TFAP2A: variants seen among roughly 807,000 people sequenced by gnomAD.
The protein encoded by TFAP2A is transcription factor AP-2-alpha.
Under a neutral mutation model 41.5 loss-of-function variants are expected in TFAP2A, and 7 were observed. That is an observed-to-expected ratio of 0.17 (90% CI 0.10 to 0.32). The LOEUF is 0.32. Among genes scored for constraint, TFAP2A ranks in the 10% least tolerant of loss-of-function variants. TFAP2A has a pLI of 1.00. For missense variants in TFAP2A, 416 were observed against 563.3 expected (o/e 0.74, Z 2.65); for synonymous variants, 247 against 242.8 (o/e 1.02, Z -0.16).
intron 6 of TFAP2A, among the ~76,000 whole-genome samples, chr6:10,399,373 C>T (rs1428677078): frequency 6.6e-6 from 1 of 152,230 alleles, no homozygotes; most frequent in East Asian, 1.9e-4. Context: ...ATTTCCCATT[C>T]CTCCTCTTTC....
intron 4 of TFAP2A, 46 bp downstream of exon 4, chr6:10,404,462 T>C (rs1452268025): frequency 1.4e-6 from 2 of 1,411,182 alleles, no homozygotes; most frequent in Non-Finnish European, 1.9e-6. Context: ...GCGCAGTGGT[T>C]CCCCCGGCCG....
At chr6:10,412,265 A>G in intron 1 of TFAP2A, 3 of 986,288 alleles carry the variant, frequency 3.0e-6, no homozygotes, top group Non-Finnish European at 3.6e-6. Flanking sequence ...AATCACAGGG[A>G]AGGGGCAACA....
upstream of TFAP2A, chr6:10,415,155 G>A (rs1758194696): frequency 1.3e-6 from 2 of 1,528,438 alleles, no homozygotes; most frequent in South Asian, 1.2e-5. Flanking sequence ...GGGCAAGGAG[G>A]AGGAGGAGGA....
Position 10,404,488 on chromosome 6 carries a change from G to GGGGCCGTGCC in TFAP2A, c.770+10_770+19dup, listed in dbSNP as rs774320828. The GGGGCCGTGCC allele has an allele frequency of 6.5e-7, 1 of 1,533,146 alleles. No homozygotes were observed. The highest frequency in any genetic ancestry group is 8.8e-7 in the Non-Finnish European group (1 of 1,139,484). 95.0% of individuals were successfully genotyped at this position (1,533,146 alleles called of 1,614,324 possible). A position where few individuals can be genotyped will look rare whatever the true frequency, so the allele number is the denominator to read the frequency against. The stretch of plus-strand genomic sequence containing the variant: ...CCCCCGGCCGCGGGGCGGGGCGGGC[G>GGGGCCGTGCC]GGGCCGTGCCGGGCCTCACCTCCGG... On this transcript the variant is annotated intron_variant, in intron 4 of 6. Coordinates refer to ENST00000379613, the MANE Select transcript of TFAP2A (RefSeq NM_001372066.1).
chr6:10,409,514 G>T (rs1757856572), intron 2 of TFAP2A: 1 of 240,798 alleles, frequency 4.2e-6, no homozygotes. Context: ...TCTTTTGGTT[G>T]CATTTAACAT....
intron 1 of TFAP2A, chr6:10,412,380 G>T: frequency 1.3e-6 from 1 of 781,654 alleles, no homozygotes; most frequent in Non-Finnish European, 1.6e-6. Context: ...GCGTGTGTGA[G>T]AAAGAAAGTG....
At position 10,414,944 on chromosome 6, in the gene TFAP2A, G is replaced by T; in HGVS notation, c.48C>A (p.Cys16Ter). Residue 16 changes from cysteine (C) to a stop codon, truncating the protein, a stop_gained, in exon 1 of 7, where the codon TGC becomes TGA. Coordinates refer to ENST00000379613, the MANE Select transcript of TFAP2A (RefSeq NM_001372066.1). LOFTEE classifies it high-confidence loss of function. ...KLTDNIKYED[C>*]EDRHDGTSNG... ...ATCGAGCCGGCGTCGCGCTTACCTC[G>T]CAGTCCTCGTACTTGATATTATCCG... is the stretch of plus-strand genomic sequence containing the variant. 1 of 1,614,002 alleles carries T rather than the reference G, an allele frequency of 6.2e-7. No individual in the cohort carries two copies. Among genetic ancestry groups the T allele is most frequent in the Non-Finnish European group, 8.5e-7 (1 of 1,180,000 alleles).
Position 10,397,660 on chromosome 6 carries a change from T to TAA in TFAP2A, c.*755_*756dup, listed in dbSNP as rs61569279. On this transcript the variant is annotated 3_prime_UTR_variant, in exon 7 of 7. Transcript: ENST00000379613. ...CAAGAGGTAAACAAGATCAGATAAATAAAAAAAAAAAGGCTTAAAACAGAC... is the reference window on the plus strand; with the variant it reads ...CAAGAGGTAAACAAGATCAGATAAATAAAAAAAAAAAAAGGCTTAAAACAGAC... 2.8e-3 allele frequency: 461 copies of TAA among 162,796 alleles called. 1 individual carries two copies. The highest frequency in any genetic ancestry group is 8.9e-3 in the African/African-American group (351 of 39,632). The allele number at this position is 162,796 out of a possible 1,614,324, so 10.1% of individuals were successfully genotyped here. A position where few individuals can be genotyped will look rare whatever the true frequency, so the allele number is the denominator to read the frequency against.
intron 1 of TFAP2A, among the ~76,000 whole-genome samples, chr6:10,410,575 G>C (rs980667935): frequency 6.6e-6 from 1 of 152,158 alleles, no homozygotes; most frequent in Non-Finnish European, 1.5e-5. Flanking sequence ...TTCTTTCAAA[G>C]AGAGGAAAAG....
In TFAP2A at chr6:10,411,753, G is replaced by C. The variant is rs569624673; in HGVS notation, c.52-1418C>G. 8.7e-5 allele frequency: 130 copies of C among 1,491,724 alleles called. No individual in the cohort carries two copies. In the African/African-American group the frequency reaches 1.7e-3, roughly 19 times the overall value. 92.4% of individuals were successfully genotyped at this position (1,491,724 alleles called of 1,614,324 possible). ...ACGGCGCCGACGCTCCCCGGAGCGC[G>C]GGAGCCCGGCTCGGATCCATCCGAA... is the stretch of plus-strand genomic sequence containing the variant. On this transcript the variant is annotated intron_variant, in intron 1 of 6. Transcript: ENST00000379613.
intron 2 of TFAP2A, 188 bp from the exon 3 acceptor site, chr6:10,407,032 T>C (rs1757745384): frequency 1.6e-6 from 1 of 624,270 alleles, no homozygotes; most frequent in South Asian, 1.9e-5. Flanking sequence ...GAGGTTTCAC[T>C]GCACACCCAT....
At chr6:10,417,902 G>A (rs1046742217), upstream of TFAP2A, among the ~76,000 whole-genome samples, 2 of 152,178 alleles carry the variant, frequency 1.3e-5, no homozygotes, top group African/African-American at 4.8e-5. Context: ...CCCACAGAAG[G>A]CCCAGTCCCA....
chr6:10,412,959 A>G (rs1045436171), intron 1 of TFAP2A: 2 of 152,500 alleles, frequency 1.3e-5, no homozygotes. Flanking sequence ...GGGCGCGCAC[A>G]GACGCTAGGC....
At chr6:10,419,485 G>T (rs1348101291), upstream of TFAP2A, 1 of 1,614,056 alleles carries the variant, frequency 6.2e-7, no homozygotes, top group Non-Finnish European at 8.5e-7. Context: ...GGTCCCCGCC[G>T]GGCATGGGCT....
In TFAP2A at chr6:10,410,095, A is replaced by C; in HGVS notation, c.292T>G (p.Trp98Gly). The C allele has an allele frequency of 6.2e-7, 1 of 1,612,426 alleles. No individual in the cohort carries two copies. The highest frequency in any genetic ancestry group is 8.5e-7 in the Non-Finnish European group (1 of 1,179,676). ...TCCTGGCTCTGCCTCTGGCCGGGCC[A>C]GCCTGGGTGCTGCGGCTGCGGCTGG... ...HAQPQPQHPG[W>G]PGQRQSQESG... is the part of the protein sequence containing the mutation. Residue 98 changes from tryptophan (W) to glycine (G), a missense_variant, in exon 2 of 7, where the codon TGG (tryptophan) becomes GGG (glycine). Coordinates refer to ENST00000379613, the MANE Select transcript of TFAP2A (RefSeq NM_001372066.1).
intron 1 of TFAP2A, chr6:10,412,224 C>T (rs771648656): frequency 5.6e-4 from 556 of 986,624 alleles, no homozygotes; most frequent in Non-Finnish European, 6.3e-4. Flanking sequence ...AGCGGGCGAG[C>T]GCGCGGGGGG....
chr6:10,399,616 C>T (rs1195100854), intron 6 of TFAP2A, among the ~76,000 whole-genome samples: 1 of 152,222 alleles, frequency 6.6e-6, no homozygotes, highest in Non-Finnish European at 1.5e-5. Flanking sequence ...TGGCTCCCTT[C>T]TCCAAGGCCA....
At chr6:10,407,254 C>A in intron 2 of TFAP2A, 1 of 252,206 alleles carries the variant, frequency 4.0e-6, no homozygotes, top group Non-Finnish European at 7.7e-6. Context: ...CAGGGAAACA[C>A]AATAGAAATG....
chr6:10,398,789 C>A lies in TFAP2A; in HGVS notation c.1032-84G>T. 6.6e-7 allele frequency: 1 copy of A among 1,511,442 alleles called. No homozygotes were observed. The highest frequency in any genetic ancestry group is 1.2e-5 in the South Asian group (1 of 82,954). 93.6% of individuals were successfully genotyped at this position (1,511,442 alleles called of 1,614,324 possible). ...AGCAAAGAGAAAACCTCCCTCCCTG[C>A]AGCTACCTCTGCCGGGATCCAGCCG... is the stretch of plus-strand genomic sequence containing the variant. On this transcript the variant is annotated intron_variant, in intron 6 of 6. Coordinates refer to ENST00000379613, the MANE Select transcript of TFAP2A (RefSeq NM_001372066.1). This position sits in a 1 kb window ranked among gnomAD's most constrained non-coding sequence, Gnocchi z 5.3.
Sources: allele counts gnomAD v4.1 joint callset (sites outside exome capture counted in the v4.1 genomes callset), GRCh38; gene constraint gnomAD v4.1.1; non-coding constraint Gnocchi (gnomAD v3.1); transcripts MANE v1.5; gene names NCBI Gene and HGNC (gene_info 2026-07-23, HGNC 2026-07-21).